PARD3B: variants seen among roughly 807,000 people sequenced by gnomAD.
The protein encoded by PARD3B is par-3 family cell polarity regulator beta.
In PARD3B, 103 loss-of-function variants were observed where a neutral mutation model predicts 130.2. The ratio of observed to expected loss-of-function variants is 0.79; its 90% CI spans 0.67 to 0.93. The LOEUF (loss-of-function observed/expected upper bound fraction) is 0.93. PARD3B is among the 40% of genes least tolerant of loss of function. The pLI, the probability that PARD3B is intolerant of heterozygous loss-of-function variation, is 0.00. For synonymous variants in PARD3B, 583 were observed against 553.2 expected, an observed-to-expected ratio of 1.05 and a Z score of -0.76; for missense variants, 1,609 against 1,499.2, an observed-to-expected ratio of 1.07 and a Z score of -1.21.
At chr2:205,001,323 A>G (rs116213613) in intron 3 of PARD3B, among the ~76,000 whole-genome samples, 1,598 of 152,254 alleles carry the variant, frequency 0.01, 16 homozygotes, top group African/African-American at 0.036. Context: ...CAATACTTTC[A>G]ATTGCTAGAA....
chr2:205,347,575 T>A (rs967928939), intron 18 of PARD3B, among the ~76,000 whole-genome samples: 1 of 152,112 alleles, frequency 6.6e-6, no homozygotes, highest in Non-Finnish European at 1.5e-5. Context: ...GTGAAGTGGA[T>A]CAGGAAGAAT....
At chr2:204,612,051 G>C (rs1183690536) in intron 1 of PARD3B, among the ~76,000 whole-genome samples, 1 of 152,170 alleles carries the variant, frequency 6.6e-6, no homozygotes, top group African/African-American at 2.4e-5. Context: ...TTTCTACACA[G>C]ATGTCATATT....
At chr2:204,647,203 A>G (rs1040879976) in intron 1 of PARD3B, among the ~76,000 whole-genome samples, 3 of 152,012 alleles carry the variant, frequency 2.0e-5, no homozygotes, top group Non-Finnish European at 2.9e-5. Flanking sequence ...TGGATAACCA[A>G]TAAGGTTGAG....
chr2:204,717,299 C>G (rs1009858574), intron 2 of PARD3B, among the ~76,000 whole-genome samples: 2 of 152,032 alleles, frequency 1.3e-5, no homozygotes, highest in African/African-American at 4.8e-5. Flanking sequence ...TCTTTTAAGT[C>G]CAAGAATATG....
chr2:204,556,936 G>T (rs2030962335), intron 1 of PARD3B, among the ~76,000 whole-genome samples: 1 of 151,556 alleles, frequency 6.6e-6, no homozygotes, highest in South Asian at 2.1e-4. Context: ...TAAAGGCCAT[G>T]GTTACCTTTT....
intron 2 of PARD3B, among the ~76,000 whole-genome samples, chr2:204,840,891 T>G (rs976980830): frequency 5.3e-5 from 8 of 152,200 alleles, no homozygotes; most frequent in Non-Finnish European, 1.2e-4. Flanking sequence ...ATAAGCTTTA[T>G]TGTATGTAAG....
At chr2:205,449,420 A>G (rs529645711) in intron 20 of PARD3B, among the ~76,000 whole-genome samples, 14 of 151,778 alleles carry the variant, frequency 9.2e-5, no homozygotes, top group African/African-American at 3.4e-4. Flanking sequence ...TAGTAGAGGC[A>G]GGGTTTCATC....
At chr2:205,328,654 C>T (rs750081449) in intron 18 of PARD3B, among the ~76,000 whole-genome samples, 6 of 152,130 alleles carry the variant, frequency 3.9e-5, no homozygotes, top group Non-Finnish European at 7.4e-5. Flanking sequence ...TTTTACTACA[C>T]TTTAAAAACA....
At chr2:205,516,687 C>G (rs150781254) in intron 21 of PARD3B, among the ~76,000 whole-genome samples, 101 of 152,196 alleles carry the variant, frequency 6.6e-4, no homozygotes, top group African/African-American at 2.3e-3. Flanking sequence ...ATAGGGTTCT[C>G]TAGGTATAAA....
intron 1 of PARD3B, among the ~76,000 whole-genome samples, chr2:204,600,514 G>T (rs925462293): frequency 3.3e-5 from 5 of 151,840 alleles, no homozygotes; most frequent in South Asian, 2.1e-4. Context: ...CCGTTCCATT[G>T]GTCTGTGTGC....
In PARD3B at chr2:205,300,645, C is replaced by G; in HGVS notation, c.2301C>G (p.Pro767=). Residue 767 remains proline, a synonymous_variant, in exon 17 of 23, where the codon CCC becomes CCG. Transcript: ENST00000406610. This position sits in a 1 kb window ranked among gnomAD's most constrained non-coding sequence, Gnocchi z 4.1. ...AGAATGACCTTCCCTTTCACAGGCCCCGGCCGCACATGGTTCGAGGCCGAG... is the reference window on the plus strand; with the variant it reads ...AGAATGACCTTCCCTTTCACAGGCCGCGGCCGCACATGGTTCGAGGCCGAG... The part of the protein sequence containing the change: ...VRKNDLPFHR[P]RPHMVRGRGC... The G allele has an allele frequency of 1.2e-6, 2 of 1,613,920 alleles. No homozygotes were observed. Among genetic ancestry groups the G allele is most frequent in the Non-Finnish European group, 1.7e-6 (2 of 1,180,012 alleles).
intron 3 of PARD3B, among the ~76,000 whole-genome samples, chr2:205,001,386 A>C (rs1275894709): frequency 1.3e-5 from 2 of 152,170 alleles, no homozygotes; most frequent in Non-Finnish European, 2.9e-5. Context: ...CTAATTATTC[A>C]TCATTTGTGT....
In PARD3B at chr2:205,615,869, G is replaced by T. The variant is rs1173839393; in HGVS notation, c.*56G>T. On this transcript the variant is annotated 3_prime_UTR_variant, in exon 23 of 23. Transcript: ENST00000406610. ...AAAGGAAGGTGTCTACTCTACCTTT[G>T]CCCTTTCTAAACCTGAAGACCTCCT... 6 of 1,448,370 alleles carry T rather than the reference G, an allele frequency of 4.1e-6. No individual in the cohort carries two copies. Among genetic ancestry groups the T allele is most frequent in the South Asian group, 1.3e-5 (1 of 76,544 alleles). 89.7% of individuals were successfully genotyped at this position (1,448,370 alleles called of 1,614,324 possible). A position where few individuals can be genotyped will look rare whatever the true frequency, so the allele number is the denominator to read the frequency against.
Position 205,125,806 on chromosome 2 carries a change from A to G in PARD3B, c.1434+69A>G. 1 of 1,552,468 alleles carries G rather than the reference A, an allele frequency of 6.4e-7. No homozygotes were observed. The highest frequency in any genetic ancestry group is 1.2e-5 in the South Asian group (1 of 84,000). On this transcript the variant is annotated intron_variant, in intron 10 of 22. Transcript: ENST00000406610. This position sits in a 1 kb window ranked among gnomAD's most constrained non-coding sequence, Gnocchi z 4.0. ...TTAATACACTCAATGAACTCATTAT[A>G]GCTGAGAAACGAGTTCTAAATCACA... is the stretch of plus-strand genomic sequence containing the variant.
intron 2 of PARD3B, among the ~76,000 whole-genome samples, chr2:204,712,655 GT>G (rs2038513675): frequency 7.0e-6 from 1 of 143,486 alleles, no homozygotes; most frequent in Non-Finnish European, 1.5e-5. Flanking sequence ...ACAAAAAATT[GT>G]TTTTCCTTTT....
At position 205,160,569 on chromosome 2, in the gene PARD3B, T is replaced by C. The variant is rs1296817922; in HGVS notation, c.1620+1662T>C. On this transcript the variant is annotated intron_variant, in intron 11 of 22. Coordinates refer to ENST00000406610, the MANE Select transcript of PARD3B (RefSeq NM_001302769.2). This position sits in a 1 kb window ranked among gnomAD's most constrained non-coding sequence, Gnocchi z 4.0. ...GATGAAGTTATGGCAAAGATGTAGATACAGAGAAGGGTAAAGAATTGAGTC... is the reference window on the plus strand; with the variant it reads ...GATGAAGTTATGGCAAAGATGTAGACACAGAGAAGGGTAAAGAATTGAGTC... Among the ~76,000 whole-genome samples, 1 of 152,164 alleles carries C rather than the reference T, an allele frequency of 6.6e-6. No homozygotes were observed. Among genetic ancestry groups the C allele is most frequent in the Non-Finnish European group, 1.5e-5 (1 of 68,038 alleles).
In PARD3B at chr2:204,985,068, T is replaced by G. The variant is rs540624390; in HGVS notation, c.394+19745T>G. Among the ~76,000 whole-genome samples the G allele has an allele frequency of 2.4e-4, 37 of 152,250 alleles. No individual in the cohort carries two copies. In the South Asian group the frequency reaches 7.5e-3, roughly 31 times the overall value. On this transcript the variant is annotated intron_variant, in intron 3 of 22. Coordinates refer to ENST00000406610, the MANE Select transcript of PARD3B (RefSeq NM_001302769.2). ...CATTGCTACAAATTCAATGGTAATATTGTAGGCTACCAGGTTAGAGACCTC... is the reference window on the plus strand; with the variant it reads ...CATTGCTACAAATTCAATGGTAATAGTGTAGGCTACCAGGTTAGAGACCTC...
chr2:205,563,552 A>T lies in PARD3B; in HGVS notation c.3260+10149A>T, dbSNP rs1158150909. On this transcript the variant is annotated intron_variant, in intron 22 of 22. Coordinates refer to ENST00000406610, the MANE Select transcript of PARD3B (RefSeq NM_001302769.2). The surrounding 1 kb of genome is among the most constrained non-coding windows in gnomAD (Gnocchi z 4.2). ...TTCATAAGTAATGTGAGTTCATGAG[A>T]TGGGAGATATCTTAGACCATATGAA... Among the ~76,000 whole-genome samples the T allele has an allele frequency of 6.6e-6, 1 of 152,088 alleles. No individual in the cohort carries two copies. Among genetic ancestry groups the T allele is most frequent in the Non-Finnish European group, 1.5e-5 (1 of 68,022 alleles).
rs752158803 is a variant in PARD3B at position 205,176,863 on chromosome 2, A to G, written c.1924+286A>G. On this transcript the variant is annotated intron_variant, in intron 13 of 22. Transcript: ENST00000406610. The surrounding 1 kb of genome is among the most constrained non-coding windows in gnomAD (Gnocchi z 5.3). ...GATCACTGGAGAATCAAAGATGGCA[A>G]ACTGTTATTTTTAAGCTCTTCTAAT... Among the ~76,000 whole-genome samples the G allele has an allele frequency of 6.6e-6, 1 of 152,210 alleles. No individual in the cohort carries two copies. Among genetic ancestry groups the G allele is most frequent in the Non-Finnish European group, 1.5e-5 (1 of 68,036 alleles).
Sources: allele counts gnomAD v4.1 joint callset (sites outside exome capture counted in the v4.1 genomes callset), GRCh38; gene constraint gnomAD v4.1.1; non-coding constraint Gnocchi (gnomAD v3.1); transcripts MANE v1.5; gene names NCBI Gene and HGNC (gene_info 2026-07-23, HGNC 2026-07-21).